The following MRPL42 variants were observed in gnomAD, a reference collection of about 807,000 sequenced individuals.
MRPL42 encodes mitochondrial ribosomal protein L42, also known as large ribosomal subunit protein mL42.
MRPL42 carries 17 observed loss-of-function variants against 17.9 expected under a neutral mutation model. That is an observed-to-expected ratio of 0.95 (90% CI 0.65 to 1.42). The LOEUF (loss-of-function observed/expected upper bound fraction) is 1.42, where lower values mean the gene tolerates loss of function less well. Among genes scored for constraint, MRPL42 ranks in the 40% most tolerant of loss-of-function variants. MRPL42 has a pLI of 0.00. For missense variants in MRPL42, 177 were observed against 175.2 expected, an observed-to-expected ratio of 1.01 and a Z score of -0.06; for synonymous variants, 59 against 54.4, an observed-to-expected ratio of 1.08 and a Z score of -0.37.
chr12:93,500,262 A>G (rs1953564879), intron 5 of MRPL42, among the ~76,000 whole-genome samples: 2 of 152,206 alleles, frequency 1.3e-5, no homozygotes, highest in Admixed American at 1.3e-4. Context: ...ACAGAGTGCT[A>G]GAAGAGGAAT....
intron 4 of MRPL42, among the ~76,000 whole-genome samples, chr12:93,486,842 G>T (rs7306563): frequency 0.67 from 101,736 of 151,174 alleles, 34,354 homozygotes; most frequent in Middle Eastern, 0.73. Context: ...TTTTTTATTT[G>T]TAGTAGAGAC....
intron 2 of MRPL42, among the ~76,000 whole-genome samples, chr12:93,475,968 A>G (rs778392078): frequency 7.9e-5 from 12 of 152,126 alleles, no homozygotes; most frequent in African/African-American, 1.4e-4. Flanking sequence ...GAGACAGAGC[A>G]AGACTCCGTC....
chr12:93,472,166 A>G (rs887551869), intron 2 of MRPL42, among the ~76,000 whole-genome samples: 3 of 152,150 alleles, frequency 2.0e-5, no homozygotes, highest in African/African-American at 7.2e-5. Context: ...TAACTCTCAA[A>G]ATATCTAGTT....
chr12:93,474,964 G>A (rs977703903), intron 2 of MRPL42, among the ~76,000 whole-genome samples: 4 of 151,966 alleles, frequency 2.6e-5, no homozygotes, highest in Non-Finnish European at 5.9e-5. Flanking sequence ...GACATGGTGG[G>A]CGCCTGTAAT....
Position 93,507,121 on chromosome 12 carries a change from T to A in MRPL42, c.*5900T>A, listed in dbSNP as rs1450404655. 6.6e-6 allele frequency: 1 copy of A among 152,260 alleles called. No individual in the cohort carries two copies. The highest frequency in any genetic ancestry group is 1.5e-5 in the Non-Finnish European group (1 of 68,060). The allele number at this position is 152,260 out of a possible 1,614,324, so 9.4% of individuals were successfully genotyped here. Reference sequence around the variant, plus strand: ...CTTTAGCAATAGATGTGTCCAGTGATGTACTAATGAAGATTTAACAACTGG... The same window carrying A: ...CTTTAGCAATAGATGTGTCCAGTGAAGTACTAATGAAGATTTAACAACTGG... On this transcript the variant is annotated 3_prime_UTR_variant, in exon 6 of 6. Transcript: ENST00000549982.
intron 5 of MRPL42, among the ~76,000 whole-genome samples, chr12:93,489,373 C>T (rs1168623722): frequency 3.3e-5 from 5 of 152,170 alleles, no homozygotes; most frequent in African/African-American, 1.2e-4. Flanking sequence ...CATTTCCTGT[C>T]TTAAGAAGCC....
intron 4 of MRPL42, among the ~76,000 whole-genome samples, chr12:93,483,114 C>CT (rs1459905288): frequency 3.3e-5 from 5 of 152,094 alleles, no homozygotes; most frequent in Non-Finnish European, 4.4e-5. Flanking sequence ...AGGCTGGTCT[C>CT]TAACTCCTGG....
Position 93,508,870 on chromosome 12 carries a change from T to C in MRPL42, c.*7649T>C, listed in dbSNP as rs1005446298. 2 of 152,114 alleles carry C rather than the reference T, an allele frequency of 1.3e-5. No individual in the cohort carries two copies. The highest frequency in any genetic ancestry group is 2.4e-5 in the African/African-American group (1 of 41,420). 9.4% of individuals were successfully genotyped at this position (152,114 alleles called of 1,614,324 possible). On this transcript the variant is annotated 3_prime_UTR_variant, in exon 6 of 6. Transcript: ENST00000549982. ...CATATATATTTTAACACTGTCTCTT[T>C]TTCACACACACTAGTTAGCTAAGAA...
At chr12:93,479,873 GT>G (rs35216714) in intron 4 of MRPL42, among the ~76,000 whole-genome samples, 93,892 of 140,880 alleles carry the variant, frequency 0.67, 30,958 homozygotes, top group Middle Eastern at 0.74. Flanking sequence ...GGTTCTGACA[GT>G]TTTTTTTTTT....
chr12:93,507,845 C>T lies in MRPL42; in HGVS notation c.*6624C>T, dbSNP rs117905762. The T allele has an allele frequency of 7.0e-3, 1,071 of 152,674 alleles. 9 individuals are homozygous for T. Among genetic ancestry groups the T allele is most frequent in the Non-Finnish European group, 0.011 (724 of 68,336 alleles). The allele number at this position is 152,674 out of a possible 1,614,324, so 9.5% of individuals were successfully genotyped here. A position where few individuals can be genotyped will look rare whatever the true frequency, so the allele number is the denominator to read the frequency against. On this transcript the variant is annotated 3_prime_UTR_variant, in exon 6 of 6. Coordinates refer to ENST00000549982, the MANE Select transcript of MRPL42 (RefSeq NM_014050.4). ...ATGAGATTGGGGCTGGGCATGATGA[C>T]TCACACCTGTAATCCCAGCACTTTG...
intron 2 of MRPL42, among the ~76,000 whole-genome samples, chr12:93,476,066 C>T (rs1022266124): frequency 6.6e-6 from 1 of 152,114 alleles, no homozygotes; most frequent in Non-Finnish European, 1.5e-5. Flanking sequence ...GGAAAATATG[C>T]TTTAAAATGT....
chr12:93,492,442 C>T (rs1953432872), intron 5 of MRPL42, among the ~76,000 whole-genome samples: 1 of 152,048 alleles, frequency 6.6e-6, no homozygotes, highest in South Asian at 2.1e-4. Context: ...AGTGTCTGTT[C>T]ATGTTCCCTA....
At chr12:93,478,225 G>A (rs1227077605) in intron 3 of MRPL42, among the ~76,000 whole-genome samples, 1 of 151,148 alleles carries the variant, frequency 6.6e-6, no homozygotes, top group African/African-American at 2.4e-5. Context: ...CAGCGTACAA[G>A]GATTACAGGT....
chr12:93,476,951 C>A lies in MRPL42; in HGVS notation c.71-3C>A. ...TCTGTTTTACTGTTTGGGGTTTTTGCAGATGGAGCTTTATATTGTGTTTGT... is the reference window on the plus strand; with the variant it reads ...TCTGTTTTACTGTTTGGGGTTTTTGAAGATGGAGCTTTATATTGTGTTTGT... On this transcript the variant is annotated splice_region_variant and splice_polypyrimidine_tract_variant and intron_variant, in intron 2 of 5. Coordinates refer to ENST00000549982, the MANE Select transcript of MRPL42 (RefSeq NM_014050.4). 6.2e-7 allele frequency: 1 copy of A among 1,605,980 alleles called. No homozygotes were observed. The highest frequency in any genetic ancestry group is 8.5e-7 in the Non-Finnish European group (1 of 1,175,072).
chr12:93,488,125 T>C (rs1047076832), intron 5 of MRPL42, among the ~76,000 whole-genome samples: 2 of 152,070 alleles, frequency 1.3e-5, no homozygotes, highest in African/African-American at 4.8e-5. Context: ...CGCATGCCAC[T>C]ATGCCCAGCT....
intron 5 of MRPL42, chr12:93,488,525 G>A (rs1330134822): frequency 2.8e-6 from 1 of 360,922 alleles, no homozygotes; most frequent in Non-Finnish European, 4.9e-6. Context: ...ATTCTATGAT[G>A]TATTCATTTA....
intron 2 of MRPL42, chr12:93,470,740 C>G (rs1879871476): frequency 4.2e-6 from 1 of 239,442 alleles, no homozygotes; most frequent in Non-Finnish European, 7.9e-6. Context: ...CATTAATTCA[C>G]TTAGGATAAT....
chr12:93,491,368 G>T (rs1299418882), intron 5 of MRPL42, among the ~76,000 whole-genome samples: 2 of 152,122 alleles, frequency 1.3e-5, no homozygotes, highest in Admixed American at 1.3e-4. Context: ...TGTGCTTATT[G>T]GCCATTCATA....
At position 93,487,585 on chromosome 12, in the gene MRPL42, T is replaced by C. The variant is rs764245254; in HGVS notation, c.308T>C (p.Leu103Pro). ...KTRLEEKVEH[L>P]EEGPMIEQLS... Reference sequence around the variant, plus strand: ...AGATTGGAAGAAAAAGTTGAACACCTTGAGGAAGGACCTATGATAGAACAA... The same window carrying C: ...AGATTGGAAGAAAAAGTTGAACACCCTGAGGAAGGACCTATGATAGAACAA... Residue 103 changes from leucine (L) to proline (P), a missense_variant, in exon 5 of 6, where the codon CTT becomes CCT. Leu to Pro is a moderately conservative substitution (Grantham distance 98). Transcript: ENST00000549982. The C allele has an allele frequency of 5.6e-6, 9 of 1,613,154 alleles. No individual in the cohort carries two copies. The African/African-American group carries it at 1.1e-4, about 19-fold the overall frequency.
Sources: allele counts gnomAD v4.1 joint callset (sites outside exome capture counted in the v4.1 genomes callset), GRCh38; gene constraint gnomAD v4.1.1; transcripts MANE v1.5; gene names NCBI Gene and HGNC (gene_info 2026-07-23, HGNC 2026-07-21).